The following DCTN5 variants were observed in gnomAD, a reference collection of about 807,000 sequenced individuals.
DCTN5 encodes the protein dynactin 4.
DCTN5 carries 14 observed loss-of-function variants against 23.5 expected under a neutral mutation model. That is an observed-to-expected ratio of 0.60 (90% CI 0.39 to 0.93). The LOEUF is 0.93. Ranked by LOEUF, DCTN5 falls within the 40% of genes least tolerant of loss-of-function variation. DCTN5 has a pLI of 0.00. For missense variants in DCTN5, 156 were observed against 225.9 expected, an observed-to-expected ratio of 0.69 and a Z score of 1.98; for synonymous variants, 67 against 79.6, an observed-to-expected ratio of 0.84 and a Z score of 0.84.
chr16:23,667,829 T>C lies in DCTN5; in HGVS notation c.*685T>C, dbSNP rs1967934386. On this transcript the variant is annotated 3_prime_UTR_variant, in exon 6 of 6. Coordinates refer to ENST00000300087, the MANE Select transcript of DCTN5 (RefSeq NM_032486.4). ...AAAGTGGGGACCTCAGTATCCCAGA[T>C]TGTAATTTTGCCAAGTGTTAGATTT... The C allele has an allele frequency of 6.6e-6, 1 of 152,416 alleles. No individual in the cohort carries two copies. Among genetic ancestry groups the C allele is most frequent in the Non-Finnish European group, 1.5e-5 (1 of 68,090 alleles). 9.4% of individuals were successfully genotyped at this position (152,416 alleles called of 1,614,324 possible).
chr16:23,642,536 G>C (rs1967311668), intron 1 of DCTN5: 1 of 161,320 alleles, frequency 6.2e-6, no homozygotes, highest in Non-Finnish European at 1.4e-5. Flanking sequence ...AGGCTGGAGT[G>C]CAGTGGCACA....
Position 23,666,728 on chromosome 16 carries a change from T to C in DCTN5, c.452-319T>C, listed in dbSNP as rs1967913288. 4 of 471,238 alleles carry C rather than the reference T, an allele frequency of 8.5e-6. No homozygotes were observed. In the East Asian group the frequency reaches 1.3e-4, roughly 16 times the overall value. 29.2% of individuals were successfully genotyped at this position (471,238 alleles called of 1,614,324 possible). A position where few individuals can be genotyped will look rare whatever the true frequency, so the allele number is the denominator to read the frequency against. The stretch of plus-strand genomic sequence containing the variant: ...AAAATAAATCTCATCTCTCAGATCA[T>C]TGAATCTGAGTTTCTAAGATGAACA... On this transcript the variant is annotated intron_variant, in intron 5 of 5. Coordinates refer to ENST00000300087, the MANE Select transcript of DCTN5 (RefSeq NM_032486.4).
chr16:23,650,191 C>T (rs932955672), intron 2 of DCTN5, among the ~76,000 whole-genome samples: 5 of 152,142 alleles, frequency 3.3e-5, no homozygotes, highest in African/African-American at 1.2e-4. Context: ...TTCAGAGTCT[C>T]TGCGAATTTT....
chr16:23,666,924 A>T, intron 5 of DCTN5, 123 bp from the exon 6 acceptor site: 3 of 1,474,168 alleles, frequency 2.0e-6, no homozygotes, highest in Non-Finnish European at 2.7e-6. Flanking sequence ...GAACAGCCTC[A>T]GCGATTATTT....
chr16:23,643,940 A>T (rs1454939861), intron 2 of DCTN5, among the ~76,000 whole-genome samples: 1 of 152,064 alleles, frequency 6.6e-6, no homozygotes, highest in Non-Finnish European at 1.5e-5. Flanking sequence ...TGGAACACTC[A>T]ATTTTGAAAT....
chr16:23,665,429 C>T (rs1319419573), intron 4 of DCTN5, among the ~76,000 whole-genome samples, 197 bp from the exon 5 acceptor site: 1 of 152,142 alleles, frequency 6.6e-6, no homozygotes, highest in Non-Finnish European at 1.5e-5. Context: ...CAGCCTTCCC[C>T]CCGAAATGTA....
In DCTN5 at chr16:23,669,312, A is replaced by C. The variant is rs1490180912; in HGVS notation, c.*2168A>C. 6.6e-6 allele frequency: 1 copy of C among 152,296 alleles called. No homozygotes were observed. The highest frequency in any genetic ancestry group is 1.5e-5 in the Non-Finnish European group (1 of 68,112). The allele number at this position is 152,296 out of a possible 1,614,324, so 9.4% of individuals were successfully genotyped here. A position where few individuals can be genotyped will look rare whatever the true frequency, so the allele number is the denominator to read the frequency against. On this transcript the variant is annotated 3_prime_UTR_variant, in exon 6 of 6. Coordinates refer to ENST00000300087, the MANE Select transcript of DCTN5 (RefSeq NM_032486.4). Reference sequence around the variant, plus strand: ...TAGATTGGGCTTCAGGCTGCATCCCAGGACTCCAAACAGGGATCTGTCTCT... The same window carrying C: ...TAGATTGGGCTTCAGGCTGCATCCCCGGACTCCAAACAGGGATCTGTCTCT...
rs1232142326 is a variant in DCTN5 at position 23,672,178 on chromosome 16, T to A, written c.*5034T>A. On this transcript the variant is annotated 3_prime_UTR_variant, in exon 6 of 6. Transcript: ENST00000300087. The stretch of plus-strand genomic sequence containing the variant: ...GGAACTGAAAAGGCCTGTGAGAGAC[T>A]CTGAGCTTCCTGGGAACAGGTATAG... The A allele has an allele frequency of 6.6e-6, 1 of 152,198 alleles. No homozygotes were observed. 9.4% of individuals were successfully genotyped at this position (152,198 alleles called of 1,614,324 possible). A position where few individuals can be genotyped will look rare whatever the true frequency, so the allele number is the denominator to read the frequency against.
intron 4 of DCTN5, among the ~76,000 whole-genome samples, 196 bp from the exon 5 acceptor site, chr16:23,665,430 C>G (rs747834897): frequency 2.0e-5 from 3 of 152,186 alleles, no homozygotes; most frequent in Non-Finnish European, 2.9e-5. Flanking sequence ...AGCCTTCCCC[C>G]CGAAATGTAC....
chr16:23,642,456 A>G (rs1967307714), intron 1 of DCTN5: 1 of 153,990 alleles, frequency 6.5e-6, no homozygotes, highest in African/African-American at 2.4e-5. Context: ...TCAAATTATG[A>G]GTTTATTCCT....
intron 2 of DCTN5, among the ~76,000 whole-genome samples, chr16:23,649,585 A>G (rs569372062): frequency 2.6e-5 from 4 of 152,252 alleles, no homozygotes; most frequent in South Asian, 2.1e-4. Flanking sequence ...GCTCACGCCT[A>G]TAATCCCAGC....
intron 2 of DCTN5, among the ~76,000 whole-genome samples, chr16:23,648,492 G>A (rs1967524250): frequency 6.6e-6 from 1 of 151,772 alleles, no homozygotes; most frequent in Admixed American, 6.6e-5. Context: ...TGGGATTACA[G>A]GTGCACACCA....
Position 23,649,190 on chromosome 16 carries a change from A to G in DCTN5, c.117+6167A>G, listed in dbSNP as rs80074303. Among the ~76,000 whole-genome samples, 862 of 152,276 alleles carry G rather than the reference A, an allele frequency of 5.7e-3. 9 individuals carry two copies. The highest frequency in any genetic ancestry group is 0.02 in the African/African-American group (836 of 41,562). On this transcript the variant is annotated intron_variant, in intron 2 of 5. Coordinates refer to ENST00000300087, the MANE Select transcript of DCTN5 (RefSeq NM_032486.4). The stretch of plus-strand genomic sequence containing the variant: ...AGTGATGTTTAGTGAACATTTTAAA[A>G]TATATATTTGTTGGCCATTAGTATG...
At chr16:23,642,757 G>A in intron 1 of DCTN5, 198 bp from the exon 2 acceptor site, 1 of 574,334 alleles carries the variant, frequency 1.7e-6, no homozygotes, top group Non-Finnish European at 3.1e-6. Flanking sequence ...AAAGTGCTGA[G>A]ATTACAGGCA....
chr16:23,647,924 A>T (rs191458779), intron 2 of DCTN5, among the ~76,000 whole-genome samples: 38 of 152,284 alleles, frequency 2.5e-4, no homozygotes, highest in Middle Eastern at 3.4e-3. Context: ...CCCTATACCC[A>T]ACTGAAGAAT....
intron 2 of DCTN5, among the ~76,000 whole-genome samples, chr16:23,650,005 G>C (rs561998259): frequency 6.6e-6 from 1 of 152,204 alleles, no homozygotes; most frequent in South Asian, 2.1e-4. Context: ...AAAATCAGCT[G>C]GCTATAGATA....
At chr16:23,663,422 A>T (rs1967850626) in intron 4 of DCTN5, among the ~76,000 whole-genome samples, 1 of 152,140 alleles carries the variant, frequency 6.6e-6, no homozygotes, top group Non-Finnish European at 1.5e-5. Context: ...AGAATAAAGA[A>T]GTAGTTTCAG....
intron 2 of DCTN5, among the ~76,000 whole-genome samples, chr16:23,645,135 A>ATTTTTT (rs1967424901): frequency 4.0e-5 from 1 of 24,804 alleles, no homozygotes; most frequent in Non-Finnish European, 6.7e-5. Context: ...ATATATATAT[A>ATTTTTT]TATTTTTTTT....
intron 2 of DCTN5, among the ~76,000 whole-genome samples, chr16:23,646,830 C>A (rs183483693): frequency 2.0e-5 from 3 of 152,098 alleles, no homozygotes; most frequent in Non-Finnish European, 2.9e-5. Context: ...CCAGCCTCGG[C>A]GTCCCAAAGT....
Sources: allele counts gnomAD v4.1 joint callset (sites outside exome capture counted in the v4.1 genomes callset), GRCh38; gene constraint gnomAD v4.1.1; transcripts MANE v1.5; gene names NCBI Gene and HGNC (gene_info 2026-07-23, HGNC 2026-07-21).